The following DPYD variants were observed in gnomAD, a reference collection of about 807,000 sequenced individuals.
DPYD encodes dihydropyrimidine dehydrogenase [NADP(+)].
Under a neutral mutation model 116.2 loss-of-function variants are expected in DPYD, and 109 were observed. That is an observed-to-expected ratio of 0.94 (90% CI 0.80 to 1.10). The LOEUF is 1.10. Ranked by LOEUF, DPYD falls within the 50% of genes least tolerant of loss-of-function variation. The pLI, the probability that DPYD is intolerant of heterozygous loss-of-function variation, is 0.00. For missense variants in DPYD, 1,302 were observed against 1,254.5 expected (o/e 1.04, Z -0.57); for synonymous variants, 440 against 432.0 (o/e 1.02, Z -0.23).
chr1:97,558,730 T>G (rs1651922827), intron 11 of DPYD, among the ~76,000 whole-genome samples: 1 of 152,184 alleles, frequency 6.6e-6, no homozygotes, highest in African/African-American at 2.4e-5. Flanking sequence ...TTATTTGTAT[T>G]CTATTGGAAG....
chr1:97,577,788 TTGTTA>T (rs1301732325), intron 10 of DPYD, among the ~76,000 whole-genome samples: 24 of 152,078 alleles, frequency 1.6e-4, no homozygotes, highest in African/African-American at 4.8e-4. Flanking sequence ...ATTATTTGTC[TTGTTA>T]TAAGTATTGT....
chr1:97,822,896 C>A (rs1299149051), intron 3 of DPYD, among the ~76,000 whole-genome samples: 1 of 152,190 alleles, frequency 6.6e-6, no homozygotes, highest in African/African-American at 2.4e-5. Context: ...TGCCAATTAT[C>A]TACTGAGTTC....
intron 18 of DPYD, among the ~76,000 whole-genome samples, chr1:97,272,797 T>C (rs1219430933): frequency 1.3e-5 from 2 of 152,098 alleles, no homozygotes; most frequent in African/African-American, 4.8e-5. Flanking sequence ...CATGAATGAC[T>C]GCTTTAGAAT....
At chr1:97,705,269 C>T (rs1256693310) in intron 5 of DPYD, among the ~76,000 whole-genome samples, 1 of 152,036 alleles carries the variant, frequency 6.6e-6, no homozygotes, top group Non-Finnish European at 1.5e-5. Context: ...TCTCCTAATG[C>T]TATCCCTCCC....
chr1:97,704,735 T>A (rs1038917606), intron 5 of DPYD, among the ~76,000 whole-genome samples: 5 of 152,008 alleles, frequency 3.3e-5, no homozygotes, highest in Non-Finnish European at 1.5e-5. Context: ...TTTGGCTCTT[T>A]CGGTGAGAAA....
At chr1:97,097,285 T>C (rs1177173984) in intron 21 of DPYD, among the ~76,000 whole-genome samples, 2 of 152,220 alleles carry the variant, frequency 1.3e-5, no homozygotes, top group Admixed American at 6.5e-5. Context: ...TTTTGGAACA[T>C]TGAGTCTGGA....
chr1:97,806,147 A>G (rs952909773), intron 3 of DPYD, among the ~76,000 whole-genome samples: 3 of 152,086 alleles, frequency 2.0e-5, no homozygotes, highest in African/African-American at 4.8e-5. Flanking sequence ...ATTTTTGTCA[A>G]GTTCACACAA....
intron 3 of DPYD, among the ~76,000 whole-genome samples, chr1:97,754,580 G>A (rs891445695): frequency 7.2e-5 from 11 of 152,134 alleles, no homozygotes; most frequent in African/African-American, 1.7e-4. Context: ...TGTTATTTGC[G>A]TTGTTCCTTC....
chr1:97,823,283 T>C (rs1214802890), intron 3 of DPYD, among the ~76,000 whole-genome samples: 2 of 152,134 alleles, frequency 1.3e-5, no homozygotes, highest in Admixed American at 1.3e-4. Context: ...GCCTCCAAAA[T>C]AGCTGGGACT....
intron 3 of DPYD, among the ~76,000 whole-genome samples, chr1:97,749,915 T>C (rs1471426695): frequency 6.6e-6 from 1 of 152,128 alleles, no homozygotes; most frequent in Non-Finnish European, 1.5e-5. Flanking sequence ...TTATTTCACC[T>C]GGACCATTTC....
At chr1:97,418,844 C>T (rs758603305) in intron 14 of DPYD, among the ~76,000 whole-genome samples, 12 of 152,008 alleles carry the variant, frequency 7.9e-5, no homozygotes, top group Non-Finnish European at 1.6e-4. Context: ...GACTAAATTG[C>T]ATTAATGGAC....
chr1:97,192,033 C>T (rs1658409504), intron 20 of DPYD, among the ~76,000 whole-genome samples: 1 of 152,132 alleles, frequency 6.6e-6, no homozygotes, highest in Non-Finnish European at 1.5e-5. Context: ...CTGGAACCCA[C>T]ATTGTAAGAT....
intron 8 of DPYD, among the ~76,000 whole-genome samples, chr1:97,617,569 G>A (rs754080978): frequency 5.9e-5 from 9 of 152,122 alleles, no homozygotes; most frequent in Non-Finnish European, 1.3e-4. Flanking sequence ...TAAGTTCAGG[G>A]TGAGGATAAA....
At chr1:97,245,387 C>T (rs1557968567) in intron 18 of DPYD, among the ~76,000 whole-genome samples, 1 of 152,078 alleles carries the variant, frequency 6.6e-6, no homozygotes, top group Non-Finnish European at 1.5e-5. Context: ...TCTGGCAATG[C>T]TTTTTGCCTA....
chr1:97,403,534 T>C (rs1673485497), intron 14 of DPYD, among the ~76,000 whole-genome samples: 1 of 152,098 alleles, frequency 6.6e-6, no homozygotes, highest in South Asian at 2.1e-4. Context: ...TTTTCCTGTG[T>C]GAGTTTTGGC....
chr1:97,249,318 T>C (rs1662924732), intron 18 of DPYD, among the ~76,000 whole-genome samples: 1 of 151,946 alleles, frequency 6.6e-6, no homozygotes, highest in African/African-American at 2.4e-5. Context: ...GGAAGTCAGT[T>C]CAATGAGGGG....
chr1:97,560,315 C>T (rs1652051050), intron 11 of DPYD, among the ~76,000 whole-genome samples: 1 of 152,022 alleles, frequency 6.6e-6, no homozygotes, highest in Admixed American at 6.6e-5. Flanking sequence ...GTAAATTCAA[C>T]AAGTATTAAA....
chr1:97,605,661 C>A (rs1402864792), intron 8 of DPYD, among the ~76,000 whole-genome samples: 1 of 151,994 alleles, frequency 6.6e-6, no homozygotes, highest in Non-Finnish European at 1.5e-5. Flanking sequence ...AGCTGTTTAA[C>A]CTTGCATAAT....
chr1:97,260,537 A>G (rs1325766317), intron 18 of DPYD, among the ~76,000 whole-genome samples: 1 of 152,116 alleles, frequency 6.6e-6, no homozygotes, highest in Non-Finnish European at 1.5e-5. Flanking sequence ...AATTTGTTGT[A>G]TAAGTATACA....
Sources: gnomAD v4.1 joint callset for allele counts (sites outside exome capture counted in the v4.1 genomes callset) on GRCh38, gnomAD v4.1.1 for gene constraint, MANE v1.5 for transcripts, NCBI Gene and HGNC (gene_info 2026-07-23, HGNC 2026-07-21) for gene names.